LRRTM4: variants seen among roughly 807,000 people sequenced by gnomAD.
The protein encoded by LRRTM4 is leucine rich repeat transmembrane neuronal 4, also known as leucine-rich repeat transmembrane neuronal protein 4.
Under a neutral mutation model 47.6 loss-of-function variants are expected in LRRTM4, and 25 were observed. The observed-to-expected ratio is 0.53, with a 90% confidence interval of 0.38 to 0.73. LRRTM4 has a LOEUF of 0.73. Among genes scored for constraint, LRRTM4 ranks in the 30% least tolerant of loss-of-function variants. LRRTM4 has a pLI of 0.00. For missense variants in LRRTM4, 638 were observed against 713.4 expected (o/e 0.89, Z 1.20); for synonymous variants, 311 against 269.5 (o/e 1.15, Z -1.51).
intron 3 of LRRTM4, among the ~76,000 whole-genome samples, chr2:77,481,895 A>C (rs186596479): frequency 6.7e-6 from 1 of 149,868 alleles, no homozygotes; most frequent in East Asian, 1.9e-4. Flanking sequence ...TTTTTTTTTA[A>C]AACTTCTAGT....
chr2:77,236,454 T>A (rs1675105630), intron 3 of LRRTM4, among the ~76,000 whole-genome samples: 3 of 152,092 alleles, frequency 2.0e-5, no homozygotes, highest in Admixed American at 1.3e-4. Flanking sequence ...AATCATATTT[T>A]TTTTTTGCCA....
At chr2:77,196,673 G>A (rs530527495) in intron 3 of LRRTM4, among the ~76,000 whole-genome samples, 3 of 152,232 alleles carry the variant, frequency 2.0e-5, no homozygotes, top group East Asian at 3.9e-4. Flanking sequence ...TCCAGGAGGT[G>A]GAGGTTGAAG....
intron 3 of LRRTM4, among the ~76,000 whole-genome samples, chr2:77,351,693 A>G (rs1176728136): frequency 5.3e-5 from 8 of 150,836 alleles, no homozygotes; most frequent in Non-Finnish European, 7.4e-5. Flanking sequence ...TTACATGAGC[A>G]TAGAGAAAGA....
At chr2:77,173,696 G>A (rs1182684568) in intron 3 of LRRTM4, among the ~76,000 whole-genome samples, 1 of 151,904 alleles carries the variant, frequency 6.6e-6, no homozygotes, top group East Asian at 1.9e-4. Flanking sequence ...AAAACTCCTG[G>A]GCTTCAAAAA....
chr2:76,801,538 T>C (rs1440656365), intron 3 of LRRTM4, among the ~76,000 whole-genome samples: 1 of 151,944 alleles, frequency 6.6e-6, no homozygotes, highest in Non-Finnish European at 1.5e-5. Context: ...GGGGAAGGGA[T>C]AGCATTAGGA....
chr2:76,761,131 T>C lies in LRRTM4; in HGVS notation c.1552-12215A>G, dbSNP rs180777654. Among the ~76,000 whole-genome samples, 3 of 152,370 alleles carry C rather than the reference T, an allele frequency of 2.0e-5. No homozygotes were observed. The East Asian group carries it at 5.8e-4, about 29-fold the overall frequency. ...AATTTAGGTTGCTTTTGCCTAAAGA[T>C]GTAGGCCCAGCAGGGCGTACACAGT... On this transcript the variant is annotated intron_variant, in intron 3 of 3. Coordinates refer to ENST00000409884, the MANE Select transcript of LRRTM4 (RefSeq NM_001134745.3).
chr2:76,926,340 A>G lies in LRRTM4; in HGVS notation c.1552-177424T>C, dbSNP rs568080149. ...AAGAATACACCACTGCCAATCAACA[A>G]TAGTACCATATCACTCTATATTAGA... On this transcript the variant is annotated intron_variant, in intron 3 of 3. Transcript: ENST00000409884. Among the ~76,000 whole-genome samples, 6 of 152,030 alleles carry G rather than the reference A, an allele frequency of 3.9e-5. No individual in the cohort carries two copies. In the South Asian group the frequency reaches 1.2e-3, roughly 31 times the overall value.
At chr2:77,171,361 C>T (rs995911147) in intron 3 of LRRTM4, among the ~76,000 whole-genome samples, 3 of 152,088 alleles carry the variant, frequency 2.0e-5, no homozygotes, top group Admixed American at 6.6e-5. Flanking sequence ...ACTGCAACCT[C>T]CACCTCCTGG....
At chr2:77,067,240 A>G (rs1028162643) in intron 3 of LRRTM4, among the ~76,000 whole-genome samples, 3 of 152,202 alleles carry the variant, frequency 2.0e-5, no homozygotes, top group Admixed American at 6.6e-5. Flanking sequence ...AATGGACAAC[A>G]TGTAAAGCAC....
chr2:77,429,823 T>A (rs1184247341), intron 3 of LRRTM4, among the ~76,000 whole-genome samples: 2 of 152,164 alleles, frequency 1.3e-5, no homozygotes, highest in Non-Finnish European at 2.9e-5. Context: ...CACAGCACTT[T>A]GTGAGGCCGA....
chr2:77,319,154 G>T (rs1677714801), intron 3 of LRRTM4, among the ~76,000 whole-genome samples: 1 of 152,088 alleles, frequency 6.6e-6, no homozygotes, highest in Non-Finnish European at 1.5e-5. Context: ...GGAGGTTGAG[G>T]CAGGCGGATC....
At chr2:76,882,708 C>A (rs1316778315) in intron 3 of LRRTM4, among the ~76,000 whole-genome samples, 1 of 151,878 alleles carries the variant, frequency 6.6e-6, no homozygotes, top group Non-Finnish European at 1.5e-5. Flanking sequence ...CAGGACAGTA[C>A]CAGTTGCTAA....
intron 3 of LRRTM4, among the ~76,000 whole-genome samples, chr2:76,827,811 AT>A (rs1195431964): frequency 1.3e-5 from 2 of 151,872 alleles, no homozygotes; most frequent in Non-Finnish European, 2.9e-5. Flanking sequence ...ATCATGTCTG[AT>A]TTTAAAGCTA....
intron 3 of LRRTM4, among the ~76,000 whole-genome samples, chr2:76,995,059 T>C (rs774752165): frequency 3.3e-5 from 5 of 151,970 alleles, no homozygotes; most frequent in African/African-American, 7.2e-5. Flanking sequence ...AGACTTGAGA[T>C]TGGTAGGAGA....
chr2:77,471,615 C>T (rs1677192512), intron 3 of LRRTM4, among the ~76,000 whole-genome samples: 1 of 152,096 alleles, frequency 6.6e-6, no homozygotes, highest in Non-Finnish European at 1.5e-5. Context: ...CTCAAACAAA[C>T]CCATTATGAT....
chr2:76,855,907 TA>T (rs1672135426), intron 3 of LRRTM4, among the ~76,000 whole-genome samples: 2 of 152,268 alleles, frequency 1.3e-5, no homozygotes, highest in South Asian at 4.1e-4. Context: ...TGGAAGTTTT[TA>T]AAATGGGGAA....
At chr2:77,247,770 T>C (rs1173243437) in intron 3 of LRRTM4, among the ~76,000 whole-genome samples, 2 of 152,022 alleles carry the variant, frequency 1.3e-5, no homozygotes, top group Admixed American at 6.6e-5. Flanking sequence ...GAAAAACTAT[T>C]AGGCCTATGT....
At chr2:76,984,075 G>A (rs558280759) in intron 3 of LRRTM4, among the ~76,000 whole-genome samples, 14 of 152,062 alleles carry the variant, frequency 9.2e-5, no homozygotes, top group Admixed American at 2.0e-4. Flanking sequence ...CCTAAACAAT[G>A]ATGAATTATT....
intron 3 of LRRTM4, among the ~76,000 whole-genome samples, chr2:77,183,614 A>G (rs543550295): frequency 1.8e-4 from 27 of 152,318 alleles, no homozygotes; most frequent in Non-Finnish European, 2.8e-4. Flanking sequence ...TCATGCTGCT[A>G]TAAAGATACA....
Sources: allele counts gnomAD v4.1 joint callset (sites outside exome capture counted in the v4.1 genomes callset), GRCh38; gene constraint gnomAD v4.1.1; transcripts MANE v1.5; gene names NCBI Gene and HGNC (gene_info 2026-07-23, HGNC 2026-07-21).